Variants in BTG4 observed in about 807,000 individuals in gnomAD.
BTG4 encodes protein BTG4.
BTG4 carries 10 observed loss-of-function variants against 19.3 expected under a neutral mutation model. That is an observed-to-expected ratio of 0.52 (90% confidence interval 0.32 to 0.88). BTG4 has a LOEUF of 0.88. Among genes scored for constraint, BTG4 ranks in the 40% least tolerant of loss-of-function variants. The probability of loss-of-function intolerance (pLI) is 0.04; values close to 1 mark genes in which losing one functional copy is unlikely to be tolerated. For missense variants in BTG4, 238 were observed against 281.9 expected (o/e 0.84, Z 1.11); for synonymous variants, 91 against 95.7 (o/e 0.95, Z 0.29).
At chr11:111,460,886 CAACACCCCCAT>C in the BTG4 span, among the ~76,000 whole-genome samples, 2 of 152,148 alleles carry the variant, frequency 1.3e-5, no homozygotes, top group African/African-American at 4.8e-5. Flanking sequence ...CACCCACAGT[CAACACCCCCAT>C]GGCATCCCCA....
downstream of BTG4, among the ~76,000 whole-genome samples, chr11:111,492,201 G>A (rs1313326683): frequency 6.6e-6 from 1 of 152,140 alleles, no homozygotes; most frequent in East Asian, 1.9e-4. Context: ...GGGGTTCAGG[G>A]GTACAGTGTC....
intron 5 of BTG4, among the ~76,000 whole-genome samples, chr11:111,477,662 G>A (rs1307313388): frequency 6.6e-6 from 1 of 152,016 alleles, no homozygotes; most frequent in African/African-American, 2.4e-5. Flanking sequence ...AAGATATGGA[G>A]GTGAGTTCTA....
chr11:111,488,351 G>A (rs2135611824), intron 5 of BTG4, among the ~76,000 whole-genome samples: 1 of 152,136 alleles, frequency 6.6e-6, no homozygotes, highest in South Asian at 2.1e-4. Context: ...CATACACTAG[G>A]GACAGTCTCA....
chr11:111,442,342 A>G, the BTG4 span, among the ~76,000 whole-genome samples: 2 of 151,566 alleles, frequency 1.3e-5, no homozygotes, highest in Non-Finnish European at 2.9e-5. Flanking sequence ...TTCTATAAAA[A>G]TACAAAAAAT....
At chr11:111,460,609 G>T in the BTG4 span, among the ~76,000 whole-genome samples, 1 of 152,102 alleles carries the variant, frequency 6.6e-6, no homozygotes, top group African/African-American at 2.4e-5. Context: ...CCCAAATGAG[G>T]TAATGCACGC....
chr11:111,508,696 T>G (rs1034847747), intron 1 of BTG4, among the ~76,000 whole-genome samples: 5 of 151,158 alleles, frequency 3.3e-5, no homozygotes, highest in Non-Finnish European at 7.4e-5. Flanking sequence ...AAGTTTGTAT[T>G]AGTCATCAGG....
intron 1 of BTG4, among the ~76,000 whole-genome samples, chr11:111,504,068 C>T (rs183937177): frequency 6.6e-6 from 1 of 152,158 alleles, no homozygotes; most frequent in African/African-American, 2.4e-5. Flanking sequence ...TCTTTAGCTT[C>T]CCTCCCTAAA....
chr11:111,453,065 G>A, the BTG4 span, among the ~76,000 whole-genome samples: 3 of 152,200 alleles, frequency 2.0e-5, no homozygotes, highest in African/African-American at 7.2e-5. Context: ...GAGCTGAGGT[G>A]TGAGGACAAG....
At chr11:111,472,766 C>T (rs896667173) in intron 5 of BTG4, among the ~76,000 whole-genome samples, 1 of 152,166 alleles carries the variant, frequency 6.6e-6, no homozygotes, top group Non-Finnish European at 1.5e-5. Context: ...ATGTAAGCTC[C>T]ATGAGGGCAG....
the BTG4 span, chr11:111,450,752 C>G: frequency 4.6e-5 from 7 of 152,408 alleles, no homozygotes; most frequent in African/African-American, 1.7e-4. Context: ...CTTGTTCTAG[C>G]GCTTGGCTTC....
chr11:111,462,242 C>G, the BTG4 span: 1 of 152,404 alleles, frequency 6.6e-6, no homozygotes, highest in Non-Finnish European at 1.5e-5. Flanking sequence ...GGAGGAAAAG[C>G]AAACAGGAGC....
the BTG4 span, among the ~76,000 whole-genome samples, chr11:111,440,075 G>C: frequency 6.6e-6 from 1 of 152,150 alleles, no homozygotes; most frequent in African/African-American, 2.4e-5. Context: ...GCATTGGCTG[G>C]GGTTACTCTG....
rs1364451066 is a variant in BTG4 at position 111,497,238 on chromosome 11, T to C, written c.483A>G (p.Lys161=). 1.2e-5 allele frequency: 19 copies of C among 1,613,332 alleles called. No homozygotes were observed. The highest frequency in any genetic ancestry group is 2.7e-5 in the African/African-American group (2 of 74,868). Residue 161 remains lysine (K), a synonymous_variant, in exon 4 of 5, where the codon AAA becomes AAG. Coordinates refer to ENST00000692032, the MANE Select transcript of BTG4 (RefSeq NM_001367975.1). Reference sequence around the variant, plus strand: ...GATAAATACTCTTCGGATTGCTGACTTTAGGAATGACACGAGGTTCCTTGC... The same window carrying C: ...GATAAATACTCTTCGGATTGCTGACCTTAGGAATGACACGAGGTTCCTTGC... The part of the protein sequence containing the change: ...SCSKEPRVIP[K]VSNPKSIYQV...
chr11:111,462,555 C>T (rs1264765063), downstream of BTG4: 2 of 152,850 alleles, frequency 1.3e-5, no homozygotes, highest in African/African-American at 2.4e-5. Context: ...CTCTCCCAGG[C>T]TCAGCCAGGC....
chr11:111,474,943 C>T (rs935193572), intron 5 of BTG4, among the ~76,000 whole-genome samples: 10 of 152,048 alleles, frequency 6.6e-5, no homozygotes, highest in Admixed American at 2.6e-4. Flanking sequence ...TTGTAAAGTG[C>T]CTAATCCAGT....
chr11:111,436,328 G>A, the BTG4 span, among the ~76,000 whole-genome samples: 1 of 152,142 alleles, frequency 6.6e-6, no homozygotes, highest in Non-Finnish European at 1.5e-5. Context: ...ATAAATGGGG[G>A]ACTTTTGGAC....
At chr11:111,486,396 C>A (rs536014101) in intron 5 of BTG4, among the ~76,000 whole-genome samples, 10 of 152,204 alleles carry the variant, frequency 6.6e-5, no homozygotes, top group African/African-American at 2.2e-4. Context: ...AAGATCACAC[C>A]CCTGCACTCC....
At chr11:111,454,050 G>A in the BTG4 span, among the ~76,000 whole-genome samples, 2 of 152,192 alleles carry the variant, frequency 1.3e-5, no homozygotes, top group African/African-American at 4.8e-5. Flanking sequence ...GATGAGGCCT[G>A]AGATTCTGCA....
chr11:111,410,310 G>T, the BTG4 span, among the ~76,000 whole-genome samples: 1 of 151,770 alleles, frequency 6.6e-6, no homozygotes, highest in Admixed American at 6.6e-5. Context: ...TTACAATGTT[G>T]CCCATGCTGG....
Sources: gnomAD v4.1 joint callset for allele counts (sites outside exome capture counted in the v4.1 genomes callset) on GRCh38, gnomAD v4.1.1 for gene constraint, MANE v1.5 for transcripts, NCBI Gene and HGNC (gene_info 2026-07-23, HGNC 2026-07-21) for gene names.